Variants in DCHS2 observed in about 807,000 individuals in gnomAD.
The protein encoded by DCHS2 is protocadherin-23.
In DCHS2, 142 loss-of-function variants were observed where a neutral mutation model predicts 182.4. The ratio of observed to expected loss-of-function variants is 0.78; its 90% CI spans 0.68 to 0.89. The LOEUF is 0.89. Ranked by LOEUF, DCHS2 falls within the 40% of genes least tolerant of loss-of-function variation. The pLI, the probability that DCHS2 is intolerant of heterozygous loss-of-function variation, is 0.00. For missense variants in DCHS2, 4,319 were observed against 4,198.6 expected (o/e 1.03, Z -0.79); for synonymous variants, 1,740 against 1,663.3 (o/e 1.05, Z -1.12).
Position 154,236,734 on chromosome 4 carries a change from T to C in DCHS2, c.7918A>G (p.Ser2640Gly). The change falls in exon 20 of 20, where the codon AGT (serine) becomes GGT (glycine). Residue 2640 changes from serine (S) to glycine (G), a missense_variant. By Grantham distance (56) the Ser-to-Gly change is moderately conservative. Coordinates refer to ENST00000357232, the MANE Select transcript of DCHS2 (RefSeq NM_001358235.2). ...SHELVILASD[S>G]GCPPLSSTAV... ...GTGGAACTCAATGGAGGGCAGCCAC[T>C]GTCAGATGCCAGAATGACAAGCTCA... 6.2e-7 allele frequency: 1 copy of C among 1,613,998 alleles called. No homozygotes were observed. Among genetic ancestry groups the C allele is most frequent in the African/African-American group, 1.3e-5 (1 of 75,058 alleles).
chr4:154,339,748 A>G (rs895045446), intron 3 of DCHS2, among the ~76,000 whole-genome samples: 1 of 152,190 alleles, frequency 6.6e-6, no homozygotes, highest in African/African-American at 2.4e-5. Context: ...CGCCCAGCCA[A>G]ACATTTTTAA....
rs555233547 is a variant in DCHS2 at position 154,266,525 on chromosome 4, G to A, written c.6577+3375C>T. ...CAAAAAATTACCTGGGTGTGGTGGCGCATGCCTGTAGTCCTAGCTACTTGG... is the reference window on the plus strand; with the variant it reads ...CAAAAAATTACCTGGGTGTGGTGGCACATGCCTGTAGTCCTAGCTACTTGG... On this transcript the variant is annotated intron_variant, in intron 14 of 19. Coordinates refer to ENST00000357232, the MANE Select transcript of DCHS2 (RefSeq NM_001358235.2). 3.2e-4 allele frequency among the ~76,000 whole-genome samples: 49 copies of A among 151,990 alleles called. No individual in the cohort carries two copies. In the Middle Eastern group the frequency reaches 0.014, roughly 42 times the overall value.
chr4:154,276,354 A>G (rs1733853854), intron 13 of DCHS2, among the ~76,000 whole-genome samples: 1 of 152,208 alleles, frequency 6.6e-6, no homozygotes, highest in African/African-American at 2.4e-5. Context: ...TTACAAAAAT[A>G]GAGTTAAAAA....
intron 1 of DCHS2, among the ~76,000 whole-genome samples, chr4:154,398,206 T>C (rs887097374): frequency 6.6e-6 from 1 of 152,200 alleles, no homozygotes; most frequent in Non-Finnish European, 1.5e-5. Flanking sequence ...TTCATTTTAA[T>C]TTCATTCAAA....
At chr4:154,381,688 G>C (rs574237881) in intron 1 of DCHS2, among the ~76,000 whole-genome samples, 1 of 151,876 alleles carries the variant, frequency 6.6e-6, no homozygotes, top group South Asian at 2.1e-4. Flanking sequence ...ATTTACAATA[G>C]CCACCAAAAA....
chr4:154,306,156 G>A (rs1691194123), intron 10 of DCHS2, among the ~76,000 whole-genome samples: 1 of 152,090 alleles, frequency 6.6e-6, no homozygotes, highest in Admixed American at 6.6e-5. Flanking sequence ...AGAGCTGAAA[G>A]GAGTGAAATA....
At chr4:154,384,325 A>G in intron 1 of DCHS2, 1 of 1,591,392 alleles carries the variant, frequency 6.3e-7, no homozygotes, top group Non-Finnish European at 8.5e-7. Flanking sequence ...ATCAGACACC[A>G]TGTTATGGCC....
intron 14 of DCHS2, among the ~76,000 whole-genome samples, chr4:154,262,769 C>T (rs564133033): frequency 2.6e-5 from 4 of 152,322 alleles, no homozygotes; most frequent in South Asian, 4.1e-4. Context: ...CAAACCGTCT[C>T]CTACTTAAAC....
chr4:154,468,828 T>C (rs1735342043), intron 1 of DCHS2, among the ~76,000 whole-genome samples: 1 of 152,146 alleles, frequency 6.6e-6, no homozygotes, highest in Admixed American at 6.6e-5. Context: ...TTGCCTACTA[T>C]GTACCAGGCA....
At position 154,304,874 on chromosome 4, in the gene DCHS2, T is replaced by C. The variant is rs778735556; in HGVS notation, c.5400A>G (p.Leu1800=). The change falls in exon 12 of 20, where the codon CTA becomes CTG. Residue 1800 remains leucine, a synonymous_variant. Transcript: ENST00000357232. ...EIQEVFTLRV[L]VRDGGFPSLS... ...ATGAAGGGAATCCCCCATCTCGTAC[T>C]AGTACTGACACAGAACACAAAGACG... The C allele has an allele frequency of 6.8e-6, 11 of 1,608,366 alleles. No individual in the cohort carries two copies. Among genetic ancestry groups the C allele is most frequent in the Non-Finnish European group, 5.1e-6 (6 of 1,177,344 alleles).
In DCHS2 at chr4:154,333,323, C is replaced by T; in HGVS notation, c.2885G>A (p.Ser962Asn). 1.2e-6 allele frequency: 2 copies of T among 1,614,110 alleles called. No homozygotes were observed. The highest frequency in any genetic ancestry group is 1.7e-6 in the Non-Finnish European group (2 of 1,180,028). The stretch of plus-strand genomic sequence containing the variant: ...CATGACTGTTATGTTGACCTCGGTG[C>T]TGCTGCAGGCTGGGGCGCTGCCGAG... ...AQLGSAPACS[S>N]TEVNITVMDV... Residue 962 changes from serine to asparagine, a missense_variant, in exon 5 of 20, where the codon AGC becomes AAC. Transcript: ENST00000357232.
At position 154,362,641 on chromosome 4, in the gene DCHS2, A is replaced by G. The variant is rs10015880; in HGVS notation, c.2476+3569T>C. Among the ~76,000 whole-genome samples the G allele has an allele frequency of 6.8e-3, 1,037 of 152,156 alleles. 8 individuals carry two copies. Among genetic ancestry groups the G allele is most frequent in the African/African-American group, 0.024 (989 of 41,544 alleles). ...TGCGTGAGTCCACTTATACACAGAT[A>G]GTTTTCAATAACAGTTACAAGTATG... is the stretch of plus-strand genomic sequence containing the variant. On this transcript the variant is annotated intron_variant, in intron 3 of 19. Coordinates refer to ENST00000357232, the MANE Select transcript of DCHS2 (RefSeq NM_001358235.2).
At chr4:154,384,549 T>G in intron 1 of DCHS2, 1 of 1,536,676 alleles carries the variant, frequency 6.5e-7, no homozygotes, top group Non-Finnish European at 8.8e-7. Context: ...TATTCTCTTA[T>G]TTGATAAAGT....
At chr4:154,255,260 T>C (rs909209135) in intron 16 of DCHS2, among the ~76,000 whole-genome samples, 10 of 152,208 alleles carry the variant, frequency 6.6e-5, no homozygotes, top group African/African-American at 2.4e-4. Context: ...CTTAATAGCA[T>C]CACAAATTCA....
chr4:154,363,330 T>C (rs1198848822), intron 3 of DCHS2, among the ~76,000 whole-genome samples: 1 of 152,180 alleles, frequency 6.6e-6, no homozygotes, highest in Non-Finnish European at 1.5e-5. Flanking sequence ...CATCCATAGA[T>C]AAATGGATAA....
At chr4:154,461,108 C>T (rs1298250476) in intron 1 of DCHS2, among the ~76,000 whole-genome samples, 1 of 152,188 alleles carries the variant, frequency 6.6e-6, no homozygotes, top group Non-Finnish European at 1.5e-5. Flanking sequence ...CCTTAGGAAG[C>T]CCCAAAGAGG....
At chr4:154,362,729 G>A (rs1393450979) in intron 3 of DCHS2, among the ~76,000 whole-genome samples, 2 of 152,058 alleles carry the variant, frequency 1.3e-5, no homozygotes, top group African/African-American at 2.4e-5. Context: ...GAGACCGAAA[G>A]ACCAACCCTT....
At chr4:154,299,030 A>G (rs1261443696) in intron 12 of DCHS2, among the ~76,000 whole-genome samples, 1 of 152,134 alleles carries the variant, frequency 6.6e-6, no homozygotes, top group Non-Finnish European at 1.5e-5. Context: ...ATTTTAATAT[A>G]TTTTTCCTCA....
intron 14 of DCHS2, among the ~76,000 whole-genome samples, chr4:154,264,741 A>C (rs11733437): frequency 0.48 from 72,947 of 151,882 alleles, 18,885 homozygotes; most frequent in Non-Finnish European, 0.58. Context: ...AATCTGAGAG[A>C]GCTTACTATA....
Sources: allele counts gnomAD v4.1 joint callset (sites outside exome capture counted in the v4.1 genomes callset), GRCh38; gene constraint gnomAD v4.1.1; transcripts MANE v1.5; gene names NCBI Gene and HGNC (gene_info 2026-07-23, HGNC 2026-07-21).